SHISA9: variants seen among roughly 807,000 people sequenced by gnomAD.
The protein encoded by SHISA9 is protein shisa-9.
In SHISA9, 13 loss-of-function variants were observed where a neutral mutation model predicts 38.0. The ratio of observed to expected loss-of-function variants is 0.34; its 90% CI spans 0.22 to 0.54. The LOEUF (loss-of-function observed/expected upper bound fraction) is 0.54, where lower values mean the gene tolerates loss of function less well. Among genes scored for constraint, SHISA9 ranks in the 20% least tolerant of loss-of-function variants. SHISA9 has a pLI of 0.91. For missense variants in SHISA9, 538 were observed against 575.8 expected (o/e 0.93, Z 0.67); for synonymous variants, 275 against 242.0 (o/e 1.14, Z -1.27).
intron 2 of SHISA9, among the ~76,000 whole-genome samples, chr16:13,187,094 AT>A (rs1204123498): frequency 6.6e-6 from 1 of 152,150 alleles, no homozygotes; most frequent in Non-Finnish European, 1.5e-5. Context: ...TCTGTTTCAC[AT>A]GCAGCAGCAC....
At position 12,921,769 on chromosome 16, in the gene SHISA9, T is replaced by TA. The variant is rs535204153; in HGVS notation, c.691+4962dup. 2.0e-3 allele frequency among the ~76,000 whole-genome samples: 301 copies of TA among 151,990 alleles called. 2 individuals are homozygous for TA. The highest frequency in any genetic ancestry group is 6.6e-3 in the African/African-American group (272 of 41,462). On this transcript the variant is annotated intron_variant, in intron 2 of 4. Coordinates refer to ENST00000558583, the MANE Select transcript of SHISA9 (RefSeq NM_001145204.3). ...TGACAGAATGAAACTCTGTCTCTAT[T>TA]AAAAAAAATTAAAAATTTTGAGGGA...
intron 4 of SHISA9, among the ~76,000 whole-genome samples, chr16:13,229,176 A>T (rs1012041076): frequency 6.6e-6 from 1 of 152,238 alleles, no homozygotes; most frequent in Non-Finnish European, 1.5e-5. Flanking sequence ...AATTTGACTG[A>T]GTCCTTAATA....
At chr16:13,423,610 C>G in the SHISA9 span, among the ~76,000 whole-genome samples, 2 of 152,156 alleles carry the variant, frequency 1.3e-5, no homozygotes, top group African/African-American at 2.4e-5. Context: ...AATTATCGTA[C>G]ATTTTGGAGC....
intron 2 of SHISA9, among the ~76,000 whole-genome samples, chr16:13,057,016 C>T (rs1232643942): frequency 2.0e-5 from 3 of 152,076 alleles, no homozygotes; most frequent in African/African-American, 7.2e-5. Context: ...GAGTATGGGG[C>T]GCCCCCGATC....
At chr16:13,310,519 G>A in the SHISA9 span, among the ~76,000 whole-genome samples, 2 of 151,976 alleles carry the variant, frequency 1.3e-5, no homozygotes, top group Admixed American at 6.6e-5. Flanking sequence ...TTATTTAATA[G>A]GGGCATTCTA....
intron 2 of SHISA9, among the ~76,000 whole-genome samples, chr16:12,988,162 C>A (rs939924583): frequency 6.6e-6 from 1 of 152,222 alleles, no homozygotes; most frequent in African/African-American, 2.4e-5. Context: ...TGGACCACAA[C>A]AGGCACTGTG....
rs866660524 is a variant in SHISA9, at chr16:13,092,691, G to A, written c.692-110703G>A. On this transcript the variant is annotated intron_variant, in intron 2 of 4. Transcript: ENST00000558583. The stretch of plus-strand genomic sequence containing the variant: ...AGACCTTGGGAAAAGCACAGTATTT[G>A]GGCAGGGAGTGTCCCGTTTTTCCAG... Among the ~76,000 whole-genome samples the A allele has an allele frequency of 2.6e-5, 4 of 152,334 alleles. No individual in the cohort carries two copies. The South Asian group carries it at 6.2e-4, about 24-fold the overall frequency.
intron 2 of SHISA9, among the ~76,000 whole-genome samples, chr16:12,926,642 C>T (rs562168755): frequency 6.6e-6 from 1 of 152,030 alleles, no homozygotes; most frequent in South Asian, 2.1e-4. Flanking sequence ...CAGAAGGAGG[C>T]CTCCACAAAA....
intron 2 of SHISA9, among the ~76,000 whole-genome samples, chr16:12,997,410 GTTTTT>G (rs34930368): frequency 1.5e-5 from 2 of 134,070 alleles, no homozygotes; most frequent in African/African-American, 5.4e-5. Flanking sequence ...GCTTAACCTA[GTTTTT>G]TTTTTTTTTT....
At chr16:13,515,995 G>C in the SHISA9 span, among the ~76,000 whole-genome samples, 1 of 152,318 alleles carries the variant, frequency 6.6e-6, no homozygotes, top group African/African-American at 2.4e-5. Context: ...TAATGGACTG[G>C]ATAACCTATG....
chr16:13,064,357 C>A (rs4781392), intron 2 of SHISA9, among the ~76,000 whole-genome samples: 8,888 of 152,196 alleles, frequency 0.058, 398 homozygotes, highest in Admixed American at 0.13. Flanking sequence ...GCTTATCTTC[C>A]TATTGTAGAG....
the SHISA9 span, among the ~76,000 whole-genome samples, chr16:13,544,316 A>G: frequency 6.7e-6 from 1 of 149,142 alleles, no homozygotes; most frequent in African/African-American, 2.4e-5. Flanking sequence ...TCAGAAGGGT[A>G]AAGTACCAGT....
At chr16:12,926,866 C>G (rs1237703825) in intron 2 of SHISA9, among the ~76,000 whole-genome samples, 1 of 152,166 alleles carries the variant, frequency 6.6e-6, no homozygotes, top group African/African-American at 2.4e-5. Flanking sequence ...TTGTCTTACA[C>G]TATAGATCTT....
In SHISA9 at chr16:12,936,304, G is replaced by A. The variant is rs368616268; in HGVS notation, c.691+19489G>A. Reference sequence around the variant, plus strand: ...GGAAACTGGGGATACTTGAGCAGTTGGGATCTGATTATAATAATTTTCTAG... The same window carrying A: ...GGAAACTGGGGATACTTGAGCAGTTAGGATCTGATTATAATAATTTTCTAG... On this transcript the variant is annotated intron_variant, in intron 2 of 4. Transcript: ENST00000558583. 6.6e-5 allele frequency among the ~76,000 whole-genome samples: 10 copies of A among 152,138 alleles called. 1 individual carries two copies. Among genetic ancestry groups the A allele is most frequent in the Admixed American group, 3.9e-4 (6 of 15,274 alleles).
intron 2 of SHISA9, among the ~76,000 whole-genome samples, chr16:12,924,734 G>C (rs74433789): frequency 0.01 from 1,541 of 152,284 alleles, 32 homozygotes; most frequent in African/African-American, 0.035. Context: ...ATGGTATTAA[G>C]TGGTATAGAT....
the SHISA9 span, among the ~76,000 whole-genome samples, chr16:13,469,647 C>G: frequency 6.6e-6 from 1 of 152,188 alleles, no homozygotes; most frequent in African/African-American, 2.4e-5. Context: ...GAGACAGAGG[C>G]AGTCACTCAT....
the SHISA9 span, among the ~76,000 whole-genome samples, chr16:13,415,597 C>G: frequency 6.6e-6 from 1 of 151,962 alleles, no homozygotes; most frequent in Non-Finnish European, 1.5e-5. Flanking sequence ...AGGTTAAATA[C>G]GAATAAAATA....
At chr16:13,187,610 C>A (rs1029427631) in intron 2 of SHISA9, among the ~76,000 whole-genome samples, 2 of 152,066 alleles carry the variant, frequency 1.3e-5, no homozygotes, top group African/African-American at 4.8e-5. Context: ...GCTGGGATTA[C>A]GGGTGTGAGC....
chr16:13,354,153 T>C, the SHISA9 span, among the ~76,000 whole-genome samples: 3 of 149,256 alleles, frequency 2.0e-5, no homozygotes, highest in African/African-American at 7.4e-5. Context: ...GCCTGAAGAA[T>C]CCCTGAGGAG....
Sources: allele counts gnomAD v4.1 joint callset (sites outside exome capture counted in the v4.1 genomes callset), GRCh38; gene constraint gnomAD v4.1.1; transcripts MANE v1.5; gene names NCBI Gene and HGNC (gene_info 2026-07-23, HGNC 2026-07-21).